Variants in PTGDS observed in about 807,000 individuals in gnomAD.
PTGDS encodes the protein prostaglandin D2 synthase, also known as prostaglandin-H2 D-isomerase.
Under a neutral mutation model 28.4 loss-of-function variants are expected in PTGDS, and 21 were observed. That is an observed-to-expected ratio of 0.74 (90% CI 0.52 to 1.07). The LOEUF is 1.07. Ranked by LOEUF, PTGDS falls within the 50% of genes least tolerant of loss-of-function variation. The pLI, the probability that PTGDS is intolerant of heterozygous loss-of-function variation, is 0.00. For synonymous variants in PTGDS, 102 were observed against 106.0 expected, an observed-to-expected ratio of 0.96 and a Z score of 0.23; for missense variants, 243 against 247.7, an observed-to-expected ratio of 0.98 and a Z score of 0.13.
chr9:136,977,715 C>G, intron 1 of PTGDS, 23 bp downstream of exon 1: 1 of 1,546,388 alleles, frequency 6.5e-7, no homozygotes, highest in South Asian at 1.2e-5. Flanking sequence ...CCTGCGTCAT[C>G]CCCAAGGGCT....
chr9:136,979,282 A>G lies in PTGDS; in HGVS notation c.314A>G (p.Tyr105Cys), dbSNP rs1382401837. 1 of 1,611,110 alleles carries G rather than the reference A, an allele frequency of 6.2e-7. No homozygotes were observed. Among genetic ancestry groups the G allele is most frequent in the East Asian group, 2.2e-5 (1 of 44,864 alleles). ...CAGCCCGCGGGGTCCCTCGGCTCCT[A>G]CAGCTACCGGAGTCCCCGTGAGTGG... ...LLQPAGSLGS[Y>C]SYRSPHWGST... Residue 105 changes from tyrosine (Y) to cysteine (C), a missense_variant, in exon 3 of 7, where the codon TAC (tyrosine) becomes TGC (cysteine). Tyr to Cys is a radical substitution (Grantham distance 194, BLOSUM62 -2). Transcript: ENST00000371625.
intron 1 of PTGDS, chr9:136,978,698 G>T (rs59391816): frequency 2.1e-4 from 65 of 305,992 alleles, no homozygotes; most frequent in African/African-American, 1.6e-3. Flanking sequence ...GGCGTGGTCA[G>T]CTCCTGGGGC....
At chr9:136,980,392 G>C (rs1160596064) in intron 5 of PTGDS, 108 bp downstream of exon 5, 2 of 1,240,650 alleles carry the variant, frequency 1.6e-6, no homozygotes, top group Non-Finnish European at 2.3e-6. Flanking sequence ...CGCCCTGCTC[G>C]AGGCCTGGGC....
chr9:136,978,607 G>T (rs1191710544), intron 1 of PTGDS, among the ~76,000 whole-genome samples: 33 of 138,292 alleles, frequency 2.4e-4, no homozygotes, highest in Non-Finnish European at 6.3e-5. Context: ...TCCTAGGGGG[G>T]CATGGGGCGT....
rs757188444 is a variant in PTGDS, at chr9:136,979,149, G to A, written c.254+17G>A. ...CTTCCTCAGGTGGGACAGCGGGCAG[G>A]TGGGTTTCTGGGACGGAGAGGTCCA... On this transcript the variant is annotated intron_variant, in intron 2 of 6. Transcript: ENST00000371625. 4.3e-6 allele frequency: 7 copies of A among 1,612,984 alleles called. No homozygotes were observed. The highest frequency in any genetic ancestry group is 1.7e-5 in the Admixed American group (1 of 60,002).
In PTGDS at chr9:136,980,067, G is replaced by C; in HGVS notation, c.448+5G>C. 1 of 1,610,130 alleles carries C rather than the reference G, an allele frequency of 6.2e-7. No homozygotes were observed. Among genetic ancestry groups the C allele is most frequent in the Non-Finnish European group, 8.5e-7 (1 of 1,178,306 alleles). ...TCCGCATGGCCACCCTCTACAGTAC[G>C]TGCCCCGTGGACGCCGCCCACACGC... On this transcript the variant is annotated splice_donor_5th_base_variant and intron_variant, in intron 4 of 6. Coordinates refer to ENST00000371625, the MANE Select transcript of PTGDS (RefSeq NM_000954.6).
rs1368754800 is a variant in PTGDS, at chr9:136,978,238, C to T, written c.114+546C>T. On this transcript the variant is annotated intron_variant, in intron 1 of 6. Transcript: ENST00000371625. Reference sequence around the variant, plus strand: ...TCCGCAGAGCTGAGCCGAAGACCCGCCCCGATCCCCGCCAGGAATGCGACG... The same window carrying T: ...TCCGCAGAGCTGAGCCGAAGACCCGTCCCGATCCCCGCCAGGAATGCGACG... 3.9e-5 allele frequency among the ~76,000 whole-genome samples: 6 copies of T among 152,300 alleles called. No individual in the cohort carries two copies. The South Asian group carries it at 6.2e-4, about 16-fold the overall frequency.
intron 1 of PTGDS, 107 bp downstream of exon 1, chr9:136,977,799 T>G (rs34352781): frequency 1.9e-6 from 2 of 1,032,714 alleles, no homozygotes; most frequent in East Asian, 5.8e-5. Context: ...AGTCCCGCAG[T>G]GCCGGGCAGT....
chr9:136,978,237 G>C (rs1444761117), intron 1 of PTGDS, among the ~76,000 whole-genome samples: 1 of 152,152 alleles, frequency 6.6e-6, no homozygotes, highest in Non-Finnish European at 1.5e-5. Context: ...CCGAAGACCC[G>C]CCCCGATCCC....
chr9:136,980,383 G>A (rs1174025174), intron 5 of PTGDS, 99 bp downstream of exon 5: 19 of 1,328,424 alleles, frequency 1.4e-5, no homozygotes, highest in South Asian at 1.2e-4. Context: ...AGGTGGCCCC[G>A]CCCTGCTCGA....
Position 136,979,217 on chromosome 9 carries a change from C to G in PTGDS, c.255-6C>G, listed in dbSNP as rs763835643. 8 of 1,613,124 alleles carry G rather than the reference C, an allele frequency of 5.0e-6. No individual in the cohort carries two copies. Among genetic ancestry groups the G allele is most frequent in the Non-Finnish European group, 6.8e-6 (8 of 1,179,876 alleles). On this transcript the variant is annotated splice_region_variant and splice_polypyrimidine_tract_variant and intron_variant, in intron 2 of 6. Transcript: ENST00000371625. ...AACCCCTGACCCTGAGGTCACCCAC[C>G]TACAGGAAAAACCAGTGTGAGACCC... is the stretch of plus-strand genomic sequence containing the variant.
chr9:136,981,317 G>A (rs948723741), intron 6 of PTGDS, among the ~76,000 whole-genome samples: 5 of 152,098 alleles, frequency 3.3e-5, no homozygotes, highest in African/African-American at 7.2e-5. Flanking sequence ...GGCTCAGGGC[G>A]GATTCACCCA....
chr9:136,979,382 G>T (rs1367473056), intron 3 of PTGDS, 83 bp downstream of exon 3: 16 of 1,576,496 alleles, frequency 1.0e-5, no homozygotes, highest in Non-Finnish European at 1.4e-5. Flanking sequence ...CCCCTGCCGC[G>T]GAGATCCATG....
chr9:136,978,821 C>T (rs981098264), intron 1 of PTGDS, 172 bp from the exon 2 acceptor site: 1 of 586,204 alleles, frequency 1.7e-6, no homozygotes, highest in African/African-American at 5.8e-5. Context: ...GATTGAGGGG[C>T]GGGGGTCAGT....
chr9:136,979,754 G>A, intron 3 of PTGDS, 192 bp from the exon 4 acceptor site: 1 of 666,428 alleles, frequency 1.5e-6, no homozygotes, highest in East Asian at 2.6e-5. Context: ...CCCAGATTCT[G>A]GTTTGGGGAC....
rs547801821 is a variant in PTGDS, at chr9:136,979,267, G to T, written c.299G>T (p.Gly100Val). 6.2e-7 allele frequency: 1 copy of T among 1,612,266 alleles called. No homozygotes were observed. ...ETRTMLLQPAGSLGSYSYRSP... is the reference protein window; with the variant it reads ...ETRTMLLQPAVSLGSYSYRSP... ...CGAACCATGCTGCTGCAGCCCGCGG[G>T]GTCCCTCGGCTCCTACAGCTACCGG... Residue 100 changes from glycine (G) to valine (V), a missense_variant, in exon 3 of 7, where the codon GGG becomes GTG. By Grantham distance (109) the Gly-to-Val change is moderately radical. Transcript: ENST00000371625.
chr9:136,977,740 G>A (rs944505138), intron 1 of PTGDS, 48 bp downstream of exon 1: 2 of 1,467,254 alleles, frequency 1.4e-6, no homozygotes, highest in Admixed American at 4.4e-5. Flanking sequence ...GACCCTGTCA[G>A]GGGAAGGGCA....
chr9:136,980,838 T>A lies in PTGDS; in HGVS notation c.556T>A (p.Cys186Ser). ...CCTGGCTTCTTTCTTGGCAGATAAG[T>A]GCATGACGGAACAATAGGTGAGCCA... ...TIVFLPQTDK[C>S]MTEQ Residue 186 changes from cysteine to serine, a missense_variant, in exon 6 of 7, where the codon TGC becomes AGC. Physicochemically the swap from Cys to Ser is moderately radical, Grantham distance 112. Transcript: ENST00000371625. The A allele has an allele frequency of 6.2e-7, 1 of 1,612,914 alleles. No individual in the cohort carries two copies. The highest frequency in any genetic ancestry group is 8.5e-7 in the Non-Finnish European group (1 of 1,179,406).
At chr9:136,980,643 T>A in intron 5 of PTGDS, 190 bp from the exon 6 acceptor site, 1 of 1,546,182 alleles carries the variant, frequency 6.5e-7, no homozygotes. Context: ...AGCCTGCTCT[T>A]GGCAGAGGTG....
Sources: allele counts gnomAD v4.1 joint callset (sites outside exome capture counted in the v4.1 genomes callset), GRCh38; gene constraint gnomAD v4.1.1; transcripts MANE v1.5; gene names NCBI Gene and HGNC (gene_info 2026-07-23, HGNC 2026-07-21).